RAB33B: variants seen among roughly 807,000 people sequenced by gnomAD.
The protein encoded by RAB33B is RAB33B, member RAS oncogene family, also known as ras-related protein Rab-33B.
Under a neutral mutation model 15.0 loss-of-function variants are expected in RAB33B, and 6 were observed. That is an observed-to-expected ratio of 0.40 (90% CI 0.22 to 0.79). RAB33B has a LOEUF of 0.79. RAB33B is among the 30% of genes least tolerant of loss of function. The pLI, the probability that RAB33B is intolerant of heterozygous loss-of-function variation, is 0.37. For missense variants in RAB33B, 257 were observed against 296.4 expected (o/e 0.87, Z 0.98); for synonymous variants, 117 against 108.3 (o/e 1.08, Z -0.50).
At position 139,454,247 on chromosome 4, in the gene RAB33B, G is replaced by A. The variant is rs770964994; in HGVS notation, c.52G>A (p.Ala18Thr). ...CGAGGCAAGCTTTTCGTCCAGCGGG[G>A]CAGTGTCAGGGGCCTCAGGGTTTTT... ...SLEASFSSSG[A>T]VSGASGFLPP... is the part of the protein sequence containing the mutation. The change falls in exon 1 of 2, where the codon GCA (alanine) becomes ACA (threonine). Residue 18 changes from alanine (A) to threonine (T), a missense_variant. Coordinates refer to ENST00000305626, the MANE Select transcript of RAB33B (RefSeq NM_031296.3). The A allele has an allele frequency of 1.2e-6, 2 of 1,614,142 alleles. No individual in the cohort carries two copies. The highest frequency in any genetic ancestry group is 1.7e-6 in the Non-Finnish European group (2 of 1,180,004).
Position 139,472,708 on chromosome 4 carries a change from G to T in RAB33B, c.272G>T (p.Gly91Val). 1 of 1,606,854 alleles carries T rather than the reference G, an allele frequency of 6.2e-7. No homozygotes were observed. Among genetic ancestry groups the T allele is most frequent in the Non-Finnish European group, 8.5e-7 (1 of 1,173,960 alleles). Residue 91 changes from glycine to valine, a missense_variant, in exon 2 of 2, where the codon GGA (glycine) becomes GTA (valine). Physicochemically the swap from Gly to Val is moderately radical, Grantham distance 109. Transcript: ENST00000305626. The stretch of plus-strand genomic sequence containing the variant: ...TAGATCCAGCTATGGGACACAGCAG[G>T]ACAAGAACGATTCAGAAAGAGCATG... ...RIKIQLWDTAGQERFRKSMVQ... is the reference protein window; with the variant it reads ...RIKIQLWDTAVQERFRKSMVQ...
intron 1 of RAB33B, among the ~76,000 whole-genome samples, chr4:139,461,824 A>C (rs907676569): frequency 3.3e-5 from 5 of 151,902 alleles, no homozygotes; most frequent in Non-Finnish European, 7.4e-5. Flanking sequence ...TCATCGCTTG[A>C]ACCTGGGAGG....
intron 1 of RAB33B, among the ~76,000 whole-genome samples, chr4:139,466,713 G>T (rs942221852): frequency 2.0e-5 from 3 of 151,740 alleles, no homozygotes; most frequent in Non-Finnish European, 4.4e-5. Context: ...CAAGTAGCTG[G>T]GACTACAGGT....
intron 1 of RAB33B, among the ~76,000 whole-genome samples, chr4:139,468,150 A>G (rs960352642): frequency 2.0e-5 from 3 of 152,236 alleles, no homozygotes; most frequent in Middle Eastern, 6.8e-3. Context: ...AGGCCTTACA[A>G]TCAAGGCAGA....
chr4:139,459,299 C>T (rs1054379922), intron 1 of RAB33B, among the ~76,000 whole-genome samples: 5 of 151,930 alleles, frequency 3.3e-5, no homozygotes, highest in Admixed American at 1.3e-4. Context: ...CAGCCAAGTA[C>T]GGTGGCATGT....
rs758237954 is a variant in RAB33B at position 139,472,980 on chromosome 4, C to T, written c.544C>T (p.Pro182Ser). The change falls in exon 2 of 2, where the codon CCC becomes TCC. Residue 182 changes from proline to serine, a missense_variant. Coordinates refer to ENST00000305626, the MANE Select transcript of RAB33B (RefSeq NM_031296.3). Reference protein sequence around the residue: ...MPLFETSAKNPNDNDHVEAIF... With the variant: ...MPLFETSAKNSNDNDHVEAIF... Reference sequence around the variant, plus strand: ...TTTGTTTGAAACGTCTGCTAAAAACCCCAATGATAATGACCATGTGGAAGC... The same window carrying T: ...TTTGTTTGAAACGTCTGCTAAAAACTCCAATGATAATGACCATGTGGAAGC... 6.2e-7 allele frequency: 1 copy of T among 1,614,108 alleles called. No homozygotes were observed. The highest frequency in any genetic ancestry group is 1.1e-5 in the South Asian group (1 of 91,082).
At chr4:139,447,914 G>A in the RAB33B span, among the ~76,000 whole-genome samples, 4,735 of 151,810 alleles carry the variant, frequency 0.031, 251 homozygotes, top group African/African-American at 0.11. Flanking sequence ...TGATCTGCCC[G>A]CCTCGGCCTC....
At chr4:139,445,456 T>A in the RAB33B span, among the ~76,000 whole-genome samples, 1 of 152,210 alleles carries the variant, frequency 6.6e-6, no homozygotes, top group Admixed American at 6.5e-5. Context: ...GGAAAATAAA[T>A]CTGACTAAAA....
upstream of RAB33B, chr4:139,453,950 C>T (rs546415228): frequency 1.7e-4 from 64 of 376,182 alleles, no homozygotes; most frequent in South Asian, 4.2e-3. Context: ...CCGGCGCCAG[C>T]CCGAGTGACG....
At chr4:139,465,897 C>CTT (rs374709757) in intron 1 of RAB33B, among the ~76,000 whole-genome samples, 3 of 143,936 alleles carry the variant, frequency 2.1e-5, no homozygotes, top group African/African-American at 7.6e-5. Flanking sequence ...TCCCAGCTCA[C>CTT]TTTTTTTTTT....
rs1750463110 is a variant in RAB33B at position 139,474,531 on chromosome 4, A to T, written c.*1405A>T. On this transcript the variant is annotated 3_prime_UTR_variant, in exon 2 of 2. Transcript: ENST00000305626. The stretch of plus-strand genomic sequence containing the variant: ...TTTGGATTGTAGGTGTGAAGGCACA[A>T]CTCTAATTGCTATTAGTCTACATGT... 6.6e-6 allele frequency: 1 copy of T among 152,480 alleles called. No individual in the cohort carries two copies. Among genetic ancestry groups the T allele is most frequent in the Non-Finnish European group, 1.5e-5 (1 of 68,024 alleles). The allele number at this position is 152,480 out of a possible 1,614,324, so 9.4% of individuals were successfully genotyped here. A position where few individuals can be genotyped will look rare whatever the true frequency, so the allele number is the denominator to read the frequency against.
chr4:139,455,302 C>G (rs550287758), intron 1 of RAB33B, among the ~76,000 whole-genome samples: 1 of 152,158 alleles, frequency 6.6e-6, no homozygotes, highest in Non-Finnish European at 1.5e-5. Context: ...CCACTAAATG[C>G]CACCTGTTGA....
In RAB33B at chr4:139,466,652, C is replaced by T. The variant is rs542268413; in HGVS notation, c.250-6034C>T. Among the ~76,000 whole-genome samples the T allele has an allele frequency of 5.9e-5, 9 of 151,674 alleles. No individual in the cohort carries two copies. The East Asian group carries it at 1.7e-3, about 29-fold the overall frequency. The stretch of plus-strand genomic sequence containing the variant: ...GGAGTGCAGTGGCATGATCTCAGCT[C>T]ACTGCAACCTCTGCCTCCTGGGTTC... On this transcript the variant is annotated intron_variant, in intron 1 of 1. Transcript: ENST00000305626.
At chr4:139,464,061 C>T (rs932473307) in intron 1 of RAB33B, among the ~76,000 whole-genome samples, 7 of 152,252 alleles carry the variant, frequency 4.6e-5, no homozygotes, top group Admixed American at 3.9e-4. Context: ...TCACTTGACC[C>T]CAGGAGTTTG....
upstream of RAB33B, chr4:139,453,800 T>C (rs1749996745): frequency 6.1e-6 from 1 of 164,198 alleles, no homozygotes; most frequent in African/African-American, 2.4e-5. Flanking sequence ...CCCGGAGTGA[T>C]TGCGCGGCTT....
intron 1 of RAB33B, among the ~76,000 whole-genome samples, chr4:139,457,459 CG>C: frequency 6.6e-6 from 1 of 152,158 alleles, no homozygotes; most frequent in Non-Finnish European, 1.5e-5. Context: ...GTATTTAATC[CG>C]GCCTCCCATT....
chr4:139,473,120 G>C lies in RAB33B; in HGVS notation c.684G>C (p.Trp228Cys), dbSNP rs1189315237. ...AACCAAAGCCTGCAATGACGTGCTG[G>C]TGCTAAATAACAGTCTTTATTATAT... ...KPEPKPAMTC[W>C]C is the part of the protein sequence containing the mutation. The change falls in exon 2 of 2, where the codon TGG becomes TGC. Residue 228 changes from tryptophan to cysteine, a missense_variant. Physicochemically the swap from Trp to Cys is radical, Grantham distance 215. Coordinates refer to ENST00000305626, the MANE Select transcript of RAB33B (RefSeq NM_031296.3). 2 of 1,594,592 alleles carry C rather than the reference G, an allele frequency of 1.3e-6. No homozygotes were observed. Among genetic ancestry groups the C allele is most frequent in the Admixed American group, 3.6e-5 (2 of 55,730 alleles).
At chr4:139,463,519 T>C (rs1212437122) in intron 1 of RAB33B, among the ~76,000 whole-genome samples, 4 of 152,226 alleles carry the variant, frequency 2.6e-5, no homozygotes, top group Admixed American at 1.3e-4. Context: ...TCCTAAGATA[T>C]TTAAGTATTA....
chr4:139,441,192 T>G, the RAB33B span, among the ~76,000 whole-genome samples: 1 of 151,938 alleles, frequency 6.6e-6, no homozygotes, highest in East Asian at 1.9e-4. Context: ...CATGCAAGAC[T>G]TCTTAAAGGT....
Sources: gnomAD v4.1 joint callset for allele counts (sites outside exome capture counted in the v4.1 genomes callset) on GRCh38, gnomAD v4.1.1 for gene constraint, MANE v1.5 for transcripts, NCBI Gene and HGNC (gene_info 2026-07-23, HGNC 2026-07-21) for gene names.